The following CHCHD2 variants were observed in gnomAD, a reference collection of about 807,000 sequenced individuals.
CHCHD2 encodes coiled-coil-helix-coiled-coil-helix domain-containing protein 2.
In CHCHD2, 17 loss-of-function variants were observed where a neutral mutation model predicts 17.5. The observed-to-expected ratio is 0.97, with a 90% CI of 0.67 to 1.46. The LOEUF (loss-of-function observed/expected upper bound fraction) is 1.46, where lower values mean the gene tolerates loss of function less well. Ranked by LOEUF, CHCHD2 falls within the 40% of genes most tolerant of loss-of-function variation. The probability of loss-of-function intolerance (pLI) is 0.00; values close to 1 mark genes in which losing one functional copy is unlikely to be tolerated. For synonymous variants in CHCHD2, 63 were observed against 74.3 expected, an observed-to-expected ratio of 0.85 and a Z score of 0.78; for missense variants, 175 against 199.9, an observed-to-expected ratio of 0.88 and a Z score of 0.75.
rs1785346381 is a variant in CHCHD2, at chr7:56,104,386, G to A, written c.140C>T (p.Ala47Val). ...CAGACCTGGCTGCCGGGGCGCAGCA[G>A]CAGAAGAGCCAACTGCAGATGGGGG... The part of the protein sequence containing the change: ...AAPPSAVGSS[A>V]AAPRQPGLMA... Residue 47 changes from alanine (A) to valine (V), a missense_variant, in exon 2 of 4, where the codon GCT (alanine) becomes GTT (valine). By Grantham distance (64) the Ala-to-Val change is moderately conservative (BLOSUM62 0). Transcript: ENST00000395422. The A allele has an allele frequency of 6.2e-7, 1 of 1,611,886 alleles. No homozygotes were observed. The highest frequency in any genetic ancestry group is 8.5e-7 in the Non-Finnish European group (1 of 1,179,404).
intron 2 of CHCHD2, among the ~76,000 whole-genome samples, chr7:56,103,795 A>G (rs547520454): frequency 1.3e-5 from 2 of 152,234 alleles, no homozygotes. Context: ...CACCGGAAAT[A>G]CAAGAGTATA....
intron 2 of CHCHD2, among the ~76,000 whole-genome samples, chr7:56,103,745 T>C (rs1474413320): frequency 6.6e-6 from 1 of 152,074 alleles, no homozygotes; most frequent in Non-Finnish European, 1.5e-5. Context: ...GGAGGAAAAA[T>C]GGTACTATTA....
chr7:56,106,384 G>A lies in CHCHD2; in HGVS notation c.30C>T (p.Ser10=), dbSNP rs1230024697. The stretch of plus-strand genomic sequence containing the variant: ...CTCACCTGGCCGGAGGGGCCATGCG[G>A]GAGGTGCGGCTTCGGCTTCCACGCG... MPRGSRSRT[S]RMAPPASRAP... Residue 10 remains serine, a synonymous_variant, in exon 1 of 4, where the codon TCC becomes TCT. Coordinates refer to ENST00000395422, the MANE Select transcript of CHCHD2 (RefSeq NM_016139.4). The A allele has an allele frequency of 1.9e-6, 3 of 1,613,602 alleles. No homozygotes were observed. Among genetic ancestry groups the A allele is most frequent in the Non-Finnish European group, 2.5e-6 (3 of 1,179,726 alleles).
rs1000715876 is a variant in CHCHD2 at position 56,101,702 on chromosome 7, A to G, written c.*149T>C. ...ACAGAGTAGGGACACCCCCACTTCC[A>G]TTTCAATTCTGAAGCAAGGAAGCCA... On this transcript the variant is annotated 3_prime_UTR_variant, in exon 4 of 4. Coordinates refer to ENST00000395422, the MANE Select transcript of CHCHD2 (RefSeq NM_016139.4). The G allele has an allele frequency of 7.5e-5, 55 of 733,134 alleles. No individual in the cohort carries two copies. The African/African-American group carries it at 9.9e-4, about 13-fold the overall frequency. 45.4% of individuals were successfully genotyped at this position (733,134 alleles called of 1,614,324 possible).
intron 2 of CHCHD2, among the ~76,000 whole-genome samples, chr7:56,103,255 G>C (rs573861069): frequency 4.6e-5 from 7 of 152,288 alleles, no homozygotes; most frequent in African/African-American, 1.4e-4. Context: ...CGAGAAGGGT[G>C]AATCACTTGA....
intron 2 of CHCHD2, among the ~76,000 whole-genome samples, chr7:56,103,415 G>C (rs906192823): frequency 1.3e-5 from 2 of 152,120 alleles, no homozygotes; most frequent in African/African-American, 2.4e-5. Flanking sequence ...GGGCGGTGGA[G>C]CCTGGATAAC....
In CHCHD2 at chr7:56,106,461, G is replaced by C. The variant is rs572601459; in HGVS notation, c.-48C>G. 1.3e-6 allele frequency: 2 copies of C among 1,590,968 alleles called. No individual in the cohort carries two copies. The highest frequency in any genetic ancestry group is 1.1e-5 in the South Asian group (1 of 90,554). Reference sequence around the variant, plus strand: ...CTCCGGACGTGGGACAACCACCGAAGAGCTAAGCGACTTCTGAGGAGACCG... The same window carrying C: ...CTCCGGACGTGGGACAACCACCGAACAGCTAAGCGACTTCTGAGGAGACCG... On this transcript the variant is annotated 5_prime_UTR_variant, in exon 1 of 4. Coordinates refer to ENST00000395422, the MANE Select transcript of CHCHD2 (RefSeq NM_016139.4).
chr7:56,104,037 G>C (rs1326641439), intron 2 of CHCHD2, among the ~76,000 whole-genome samples, 189 bp downstream of exon 2: 2 of 152,226 alleles, frequency 1.3e-5, no homozygotes, highest in African/African-American at 4.8e-5. Context: ...AACACAATTT[G>C]TACAGTACTT....
Position 56,106,390 on chromosome 7 carries a change from G to C in CHCHD2, c.24C>G (p.Arg8=). 4 of 1,613,598 alleles carry C rather than the reference G, an allele frequency of 2.5e-6. No homozygotes were observed. The highest frequency in any genetic ancestry group is 3.4e-6 in the Non-Finnish European group (4 of 1,179,750). ...TGGCCGGAGGGGCCATGCGGGAGGTGCGGCTTCGGCTTCCACGCGGCATCC... is the reference window on the plus strand; with the variant it reads ...TGGCCGGAGGGGCCATGCGGGAGGTCCGGCTTCGGCTTCCACGCGGCATCC... MPRGSRS[R]TSRMAPPASR... The change falls in exon 1 of 4, where the codon CGC becomes CGG. Residue 8 remains arginine (R), a synonymous_variant. Transcript: ENST00000395422.
At position 56,102,969 on chromosome 7, in the gene CHCHD2, G is replaced by A; in HGVS notation, c.343C>T (p.Leu115Phe). The A allele has an allele frequency of 6.2e-7, 1 of 1,614,192 alleles. No individual in the cohort carries two copies. The highest frequency in any genetic ancestry group is 8.5e-7 in the Non-Finnish European group (1 of 1,180,026). Residue 115 changes from leucine to phenylalanine, a missense_variant, in exon 3 of 4, where the codon CTC becomes TTC. Physicochemically the swap from Leu to Phe is conservative, Grantham distance 22. Transcript: ENST00000395422. ...TCCAGAAACTGTTTGATCTCATAGAGGCAAGGCTGCTGCTGCTGTGCTGGC... is the reference window on the plus strand; with the variant it reads ...TCCAGAAACTGTTTGATCTCATAGAAGCAAGGCTGCTGCTGCTGTGCTGGC... ...TQPAQQQQPC[L>F]YEIKQFLECA...
At chr7:56,105,735 T>C (rs992641477) in intron 1 of CHCHD2, among the ~76,000 whole-genome samples, 38 of 152,174 alleles carry the variant, frequency 2.5e-4, no homozygotes, top group Non-Finnish European at 3.8e-4. Flanking sequence ...AGGCTGCAGT[T>C]AGCCATAATT....
chr7:56,105,833 G>A (rs1200822469), intron 1 of CHCHD2, among the ~76,000 whole-genome samples: 1 of 152,066 alleles, frequency 6.6e-6, no homozygotes, highest in Non-Finnish European at 1.5e-5. Context: ...TGGTCAACTG[G>A]GGAAATAATC....
In CHCHD2 at chr7:56,104,425, G is replaced by T; in HGVS notation, c.101C>A (p.Pro34Gln). Reference protein sequence around the residue: ...AAPRPAPVAQPPAAAPPSAVG... With the variant: ...AAPRPAPVAQQPAAAPPSAVG... ...TGCAGATGGGGGTGCCGCTGCTGGT[G>T]GCTGAGCGACTGGTGCTGGCCTGGG... The change falls in exon 2 of 4, where the codon CCA becomes CAA. Residue 34 changes from proline to glutamine, a missense_variant. Transcript: ENST00000395422. The T allele has an allele frequency of 6.2e-7, 1 of 1,610,076 alleles. No individual in the cohort carries two copies. Among genetic ancestry groups the T allele is most frequent in the Non-Finnish European group, 8.5e-7 (1 of 1,178,712 alleles).
intron 1 of CHCHD2, among the ~76,000 whole-genome samples, 153 bp downstream of exon 1, chr7:56,106,211 T>C (rs1289308561): frequency 2.0e-5 from 3 of 152,026 alleles, no homozygotes; most frequent in African/African-American, 4.8e-5. Flanking sequence ...TCCCCTAACA[T>C]AGGCTTTACG....
Position 56,106,408 on chromosome 7 carries a change from C to G in CHCHD2, c.6G>C (p.Pro2=). Residue 2 remains proline (P), a synonymous_variant, in exon 1 of 4, where the codon CCG becomes CCC. Transcript: ENST00000395422. M[P]RGSRSRTSRM... Reference sequence around the variant, plus strand: ...GGGAGGTGCGGCTTCGGCTTCCACGCGGCATCCTAGGTAAGCGACGGCTAG... The same window carrying G: ...GGGAGGTGCGGCTTCGGCTTCCACGGGGCATCCTAGGTAAGCGACGGCTAG... 1 of 1,613,606 alleles carries G rather than the reference C, an allele frequency of 6.2e-7. No individual in the cohort carries two copies. Among genetic ancestry groups the G allele is most frequent in the Non-Finnish European group, 8.5e-7 (1 of 1,179,772 alleles).
intron 1 of CHCHD2, 108 bp downstream of exon 1, chr7:56,106,256 C>G: frequency 9.7e-7 from 1 of 1,035,250 alleles, no homozygotes; most frequent in Admixed American, 2.8e-5. Flanking sequence ...GGCGAGCCCA[C>G]GCCGCAGCCG....
rs753824117 is a variant in CHCHD2, at chr7:56,106,460, A to G, written c.-47T>C. ...CCTCCGGACGTGGGACAACCACCGA[A>G]GAGCTAAGCGACTTCTGAGGAGACC... is the stretch of plus-strand genomic sequence containing the variant. On this transcript the variant is annotated 5_prime_UTR_variant, in exon 1 of 4. Transcript: ENST00000395422. The G allele has an allele frequency of 4.4e-6, 7 of 1,594,246 alleles. No individual in the cohort carries two copies. The Admixed American group carries it at 6.7e-5, about 15-fold the overall frequency.
At chr7:56,101,943 G>A in intron 3 of CHCHD2, 82 bp from the exon 4 acceptor site, 1 of 1,315,836 alleles carries the variant, frequency 7.6e-7, no homozygotes, top group Middle Eastern at 1.9e-4. Context: ...TATGAAAGCA[G>A]CGACAAAAGG....
intron 2 of CHCHD2, among the ~76,000 whole-genome samples, chr7:56,103,775 G>A (rs1272744888): frequency 6.6e-6 from 1 of 152,206 alleles, no homozygotes; most frequent in African/African-American, 2.4e-5. Flanking sequence ...GGATGGAGCA[G>A]TTTCAAGCAC....
Sources: gnomAD v4.1 joint callset for allele counts (sites outside exome capture counted in the v4.1 genomes callset) on GRCh38, gnomAD v4.1.1 for gene constraint, MANE v1.5 for transcripts, NCBI Gene and HGNC (gene_info 2026-07-23, HGNC 2026-07-21) for gene names.